P2RY12: variants seen among roughly 807,000 people sequenced by gnomAD.
The protein encoded by P2RY12 is purinergic receptor P2Y12, also known as P2Y purinoceptor 12.
In P2RY12, 3 loss-of-function variants were observed where a neutral mutation model predicts 4.5. The observed-to-expected ratio is 0.67, with a 90% CI of 0.31 to 1.74. The LOEUF (loss-of-function observed/expected upper bound fraction) is 1.74. Ranked by LOEUF, P2RY12 falls within the 40% of genes most tolerant of loss-of-function variation. The pLI, the probability that P2RY12 is intolerant of heterozygous loss-of-function variation, is 0.09. For synonymous variants in P2RY12, 148 were observed against 154.1 expected, an observed-to-expected ratio of 0.96 and a Z score of 0.29; for missense variants, 356 against 407.8, an observed-to-expected ratio of 0.87 and a Z score of 1.09.
intron 1 of P2RY12, chr3:151,365,355 T>G: frequency 1.6e-6 from 1 of 631,548 alleles, no homozygotes. Context: ...AATTTACCTC[T>G]GCACTATCTT....
chr3:151,343,596 G>C (rs1187156282), intron 1 of P2RY12, among the ~76,000 whole-genome samples: 1 of 151,734 alleles, frequency 6.6e-6, no homozygotes, highest in East Asian at 1.9e-4. Flanking sequence ...GCAAGTTATA[G>C]ATACTTTAAT....
At chr3:151,342,040 G>C (rs1028223809) in intron 1 of P2RY12, among the ~76,000 whole-genome samples, 16 of 152,096 alleles carry the variant, frequency 1.1e-4, no homozygotes, top group African/African-American at 3.9e-4. Context: ...ATAAACATAC[G>C]TGTGCATGTG....
At chr3:151,342,282 C>A (rs549749932) in intron 1 of P2RY12, among the ~76,000 whole-genome samples, 1 of 152,332 alleles carries the variant, frequency 6.6e-6, no homozygotes, top group East Asian at 1.9e-4. Context: ...CAGAAACACA[C>A]CTCCCTGGTG....
intron 1 of P2RY12, among the ~76,000 whole-genome samples, chr3:151,352,320 A>T (rs1753332807): frequency 6.6e-6 from 1 of 152,106 alleles, no homozygotes; most frequent in Non-Finnish European, 1.5e-5. Flanking sequence ...GGGATCCTCA[A>T]CCTTTTTCAG....
intron 1 of P2RY12, chr3:151,355,809 A>G: frequency 1.7e-6 from 2 of 1,209,410 alleles, no homozygotes; most frequent in South Asian, 1.6e-5. Flanking sequence ...TATAGATTCA[A>G]CTGTCTTAAA....
chr3:151,365,815 AAGGTTACTTTCTG>A, intron 1 of P2RY12: 1 of 1,559,824 alleles, frequency 6.4e-7, no homozygotes, highest in Non-Finnish European at 8.7e-7. Flanking sequence ...TCTTTTGTAC[AAGGTTACTTTCTG>A]TGTCTTCTTT....
At chr3:151,366,400 G>A (rs190995794) in intron 1 of P2RY12, among the ~76,000 whole-genome samples, 5 of 152,278 alleles carry the variant, frequency 3.3e-5, no homozygotes, top group African/African-American at 1.2e-4. Context: ...AGTGCAAGGC[G>A]CAGTATACAA....
At chr3:151,362,357 C>G (rs924141438) in intron 1 of P2RY12, among the ~76,000 whole-genome samples, 1 of 152,010 alleles carries the variant, frequency 6.6e-6, no homozygotes, top group Non-Finnish European at 1.5e-5. Context: ...TCTTCCACCC[C>G]TTTCCCTCTG....
At chr3:151,345,410 G>A (rs551793412) in intron 1 of P2RY12, among the ~76,000 whole-genome samples, 51 of 151,994 alleles carry the variant, frequency 3.4e-4, no homozygotes, top group African/African-American at 1.0e-3. Context: ...AGCAGAAATC[G>A]TTGATACTTT....
chr3:151,380,028 TAGTG>T (rs1319301806), intron 1 of P2RY12: 2 of 821,724 alleles, frequency 2.4e-6, no homozygotes, highest in Non-Finnish European at 3.8e-6. Flanking sequence ...ATTTATCTAA[TAGTG>T]AGGCAAAGAA....
intron 1 of P2RY12, among the ~76,000 whole-genome samples, chr3:151,369,053 AC>A (rs1336887879): frequency 6.6e-6 from 1 of 151,968 alleles, no homozygotes; most frequent in Non-Finnish European, 1.5e-5. Flanking sequence ...GAGCCACCGC[AC>A]CCATCCCTCA....
chr3:151,350,184 G>A, intron 1 of P2RY12: 2 of 1,613,672 alleles, frequency 1.2e-6, no homozygotes, highest in Non-Finnish European at 8.5e-7. Flanking sequence ...TTCTAAATAA[G>A]AAGAGCACCA....
chr3:151,354,659 C>A (rs1398342100), intron 1 of P2RY12, among the ~76,000 whole-genome samples: 2 of 152,104 alleles, frequency 1.3e-5, no homozygotes, highest in Non-Finnish European at 2.9e-5. Context: ...AATCTGGAAA[C>A]TACTCACTAG....
intron 1 of P2RY12, among the ~76,000 whole-genome samples, chr3:151,344,407 T>C (rs542915223): frequency 5.9e-5 from 9 of 152,126 alleles, no homozygotes; most frequent in African/African-American, 2.2e-4. Context: ...GATGGAACAT[T>C]TATATGAACT....
chr3:151,364,983 G>T (rs200478225), intron 1 of P2RY12: 2 of 1,611,734 alleles, frequency 1.2e-6, no homozygotes, highest in African/African-American at 1.3e-5. Context: ...CCTCAGTAGT[G>T]CCTGTTCAAA....
At chr3:151,341,214 T>C (rs1348428479) in intron 1 of P2RY12, among the ~76,000 whole-genome samples, 2 of 152,140 alleles carry the variant, frequency 1.3e-5, no homozygotes, top group Non-Finnish European at 2.9e-5. Flanking sequence ...CCCTTTGTTT[T>C]TCCCTTGGTT....
At chr3:151,378,842 C>T (rs1711690214) in intron 1 of P2RY12, among the ~76,000 whole-genome samples, 1 of 152,198 alleles carries the variant, frequency 6.6e-6, no homozygotes, top group Non-Finnish European at 1.5e-5. Flanking sequence ...ATGAATAATA[C>T]TATAGTAGCC....
At chr3:151,355,871 A>C (rs757897840) in intron 1 of P2RY12, 2 of 1,589,530 alleles carry the variant, frequency 1.3e-6, no homozygotes, top group South Asian at 2.3e-5. Flanking sequence ...TTGGTCTTAC[A>C]ATATTTTTGT....
chr3:151,369,522 G>C, intron 1 of P2RY12: 1 of 1,611,028 alleles, frequency 6.2e-7, no homozygotes, highest in Non-Finnish European at 8.5e-7. Context: ...AGCCGTGTTT[G>C]CTGTCTTAAA....
Sources: allele counts gnomAD v4.1 joint callset (sites outside exome capture counted in the v4.1 genomes callset), GRCh38; gene constraint gnomAD v4.1.1; transcripts MANE v1.5; gene names NCBI Gene and HGNC (gene_info 2026-07-23, HGNC 2026-07-21).